The following TNS2 variants were observed in gnomAD, a reference collection of about 807,000 sequenced individuals.
TNS2 encodes tensin 2, also known as tensin-2.
A neutral mutation model predicts 155.7 loss-of-function variants in TNS2; 77 were observed. The ratio of observed to expected loss-of-function variants is 0.49; its 90% CI spans 0.41 to 0.60. TNS2 has a LOEUF of 0.60. Ranked by LOEUF, TNS2 falls within the 20% of genes least tolerant of loss-of-function variation. The pLI, the probability that TNS2 is intolerant of heterozygous loss-of-function variation, is 0.00. For synonymous variants in TNS2, 726 were observed against 763.9 expected, an observed-to-expected ratio of 0.95 and a Z score of 0.82; for missense variants, 1,703 against 1,868.8, an observed-to-expected ratio of 0.91 and a Z score of 1.64.
At chr12:53,049,981 C>T (rs1355279334), upstream of TNS2, 7 of 1,341,638 alleles carry the variant, frequency 5.2e-6, no homozygotes, top group Admixed American at 1.2e-4. Flanking sequence ...ATCCTCCCCC[C>T]TCCACTTCCT....
Position 53,053,429 on chromosome 12 carries a change from G to A in TNS2, c.241G>A (p.Ala81Thr). 6.2e-7 allele frequency: 1 copy of A among 1,614,064 alleles called. No homozygotes were observed. Among genetic ancestry groups the A allele is most frequent in the Non-Finnish European group, 8.5e-7 (1 of 1,179,970 alleles). ...CEAKVTSACQALPPVELRRNT... is the reference protein window; with the variant it reads ...CEAKVTSACQTLPPVELRRNT... Reference sequence around the variant, plus strand: ...CTTCCAGGTGACTTCAGCCTGTCAGGCCTTGCCTCCCGTGGAGTTGGTGAG... The same window carrying A: ...CTTCCAGGTGACTTCAGCCTGTCAGACCTTGCCTCCCGTGGAGTTGGTGAG... Residue 81 changes from alanine (A) to threonine (T), a missense_variant, in exon 4 of 29, where the codon GCC (alanine) becomes ACC (threonine). Physicochemically the swap from Ala to Thr is moderately conservative, Grantham distance 58. Coordinates refer to ENST00000314250, the MANE Select transcript of TNS2 (RefSeq NM_170754.4).
chr12:53,055,145 C>T (rs200434390), intron 7 of TNS2, 41 bp from the exon 8 acceptor site: 73 of 1,606,812 alleles, frequency 4.5e-5, no homozygotes, highest in African/African-American at 8.0e-5. Flanking sequence ...GCCTCATTGC[C>T]GGAGATCATT....
chr12:53,049,863 C>A, upstream of TNS2: 1 of 418,940 alleles, frequency 2.4e-6, no homozygotes, highest in East Asian at 5.8e-5. Flanking sequence ...TGTGGTGTCC[C>A]AGGTGTGGGA....
In TNS2 at chr12:53,063,014, G is replaced by A; in HGVS notation, c.3824-75G>A. 3 of 1,482,470 alleles carry A rather than the reference G, an allele frequency of 2.0e-6. No individual in the cohort carries two copies. The highest frequency in any genetic ancestry group is 2.7e-6 in the Non-Finnish European group (3 of 1,113,940). The allele number at this position is 1,482,470 out of a possible 1,614,324, so 91.8% of individuals were successfully genotyped here. A position where few individuals can be genotyped will look rare whatever the true frequency, so the allele number is the denominator to read the frequency against. On this transcript the variant is annotated intron_variant, in intron 25 of 28. Transcript: ENST00000314250. This position sits in a 1 kb window ranked among gnomAD's most constrained non-coding sequence, Gnocchi z 5.6. The stretch of plus-strand genomic sequence containing the variant: ...TGTAAAGCATGTGACAGCAGTAGCT[G>A]GGGAATGTGCAAGAGCTGGTGGGGG...
rs769823126 is a variant in TNS2, at chr12:53,061,187, C to T, written c.3281C>T (p.Ala1094Val). Residue 1094 changes from alanine (A) to valine (V), a missense_variant, in exon 20 of 29, where the codon GCA (alanine) becomes GTA (valine). By Grantham distance (64) the Ala-to-Val change is moderately conservative. Transcript: ENST00000314250. ...QQPGPWGPEQ[A>V]SSPARGISHH... ...CCAGGACCCTGGGGCCCAGAGCAGG[C>T]ATCATCGCCAGCCAGAGGCATCAGT... 1.3e-6 allele frequency: 2 copies of T among 1,589,314 alleles called. No homozygotes were observed. Among genetic ancestry groups the T allele is most frequent in the Admixed American group, 3.5e-5 (2 of 56,408 alleles).
Position 53,058,332 on chromosome 12 carries a change from A to G in TNS2, c.1112A>G (p.Lys371Arg), listed in dbSNP as rs1221759147. 6.2e-7 allele frequency: 1 copy of G among 1,614,156 alleles called. No homozygotes were observed. The highest frequency in any genetic ancestry group is 8.5e-7 in the Non-Finnish European group (1 of 1,180,040). ...TTCTCCCAGGTAACATGTTATCACA[A>G]GGGTGGCCGGGGCACAGACCGGACC... ...KGDVMVTCYH[K>R]GGRGTDRTLV... Residue 371 changes from lysine (K) to arginine (R), a missense_variant, in exon 15 of 29, where the codon AAG becomes AGG. By Grantham distance (26) the Lys-to-Arg change is conservative. Coordinates refer to ENST00000314250, the MANE Select transcript of TNS2 (RefSeq NM_170754.4).
At position 53,055,251 on chromosome 12, in the gene TNS2, G is replaced by T. The variant is rs752596186; in HGVS notation, c.573+15G>T. The T allele has an allele frequency of 6.2e-7, 1 of 1,613,624 alleles. No individual in the cohort carries two copies. Among genetic ancestry groups the T allele is most frequent in the Non-Finnish European group, 8.5e-7 (1 of 1,179,762 alleles). On this transcript the variant is annotated intron_variant, in intron 8 of 28. Coordinates refer to ENST00000314250, the MANE Select transcript of TNS2 (RefSeq NM_170754.4). ...TAAACCCCAAGGTATGAAGGAAATGGCCTGCCCAACCATTAAACCAAGCCA... is the reference window on the plus strand; with the variant it reads ...TAAACCCCAAGGTATGAAGGAAATGTCCTGCCCAACCATTAAACCAAGCCA...
At chr12:53,055,436 C>A in intron 8 of TNS2, 132 bp from the exon 9 acceptor site, 2 of 1,264,152 alleles carry the variant, frequency 1.6e-6, no homozygotes, top group South Asian at 1.4e-5. Flanking sequence ...AGGAAAGTGC[C>A]GAGGCTATCA....
rs562330933 is a variant in TNS2, at chr12:53,050,111, C to A, written c.-75C>A. 21 of 1,567,110 alleles carry A rather than the reference C, an allele frequency of 1.3e-5. No homozygotes were observed. The Admixed American group carries it at 3.8e-4, about 28-fold the overall frequency. ...GGGGAAGCGGCTGCCTCCGCCAGGCCGCTTCCAGGAAGCCCCGGGCCAGGC... is the reference window on the plus strand; with the variant it reads ...GGGGAAGCGGCTGCCTCCGCCAGGCAGCTTCCAGGAAGCCCCGGGCCAGGC... On this transcript the variant is annotated 5_prime_UTR_variant, in exon 1 of 29. Coordinates refer to ENST00000314250, the MANE Select transcript of TNS2 (RefSeq NM_170754.4). The surrounding 1 kb of genome is among the most constrained non-coding windows in gnomAD (Gnocchi z 4.7).
At position 53,064,241 on chromosome 12, in the gene TNS2, C is replaced by T. The variant is rs1236587251; in HGVS notation, c.*359C>T. The stretch of plus-strand genomic sequence containing the variant: ...TTCCACCCAGCTGCAGGTGCCAGCA[C>T]GGCAGGGATGGGAGAGGGGTGGGGA... On this transcript the variant is annotated 3_prime_UTR_variant, in exon 29 of 29. Transcript: ENST00000314250. 2.0e-5 allele frequency: 5 copies of T among 247,798 alleles called. No homozygotes were observed. The highest frequency in any genetic ancestry group is 9.2e-5 in the East Asian group (1 of 10,908). The allele number at this position is 247,798 out of a possible 1,614,324, so 15.3% of individuals were successfully genotyped here.
At chr12:53,052,700 T>G (rs1426866363) in intron 3 of TNS2, among the ~76,000 whole-genome samples, 6 of 148,736 alleles carry the variant, frequency 4.0e-5, no homozygotes, top group African/African-American at 1.5e-4. Flanking sequence ...CCCAGGCGGG[T>G]GGACAGCAAG....
At position 53,060,466 on chromosome 12, in the gene TNS2, T is replaced by C. The variant is rs139814846; in HGVS notation, c.2679T>C (p.Ser893=). 306 of 1,613,556 alleles carry C rather than the reference T, an allele frequency of 1.9e-4. No homozygotes were observed. The highest frequency in any genetic ancestry group is 2.2e-4 in the Non-Finnish European group (256 of 1,179,986). Residue 893 remains serine, a synonymous_variant, in exon 19 of 29, where the codon TCT becomes TCC. Coordinates refer to ENST00000314250, the MANE Select transcript of TNS2 (RefSeq NM_170754.4). This position sits in a 1 kb window ranked among gnomAD's most constrained non-coding sequence, Gnocchi z 6.1. ...GTGGGCACAGCACACTGCCTCGGTC[T>C]CCCCGAGATGCCCCATGCAGTGCTT... ...GPSGHSTLPR[S]PRDAPCSASS...
rs371541781 is a variant in TNS2, at chr12:53,057,547, C to T, written c.846-20C>T. On this transcript the variant is annotated intron_variant, in intron 11 of 28. Transcript: ENST00000314250. ...TCCAGAGGAAAAGGCTTATGTTCTC[C>T]TTGACACGCCCTCCACCAGATATAT... 3.1e-6 allele frequency: 5 copies of T among 1,588,214 alleles called. No homozygotes were observed. Among genetic ancestry groups the T allele is most frequent in the Non-Finnish European group, 4.3e-6 (5 of 1,160,924 alleles).
intron 6 of TNS2, 69 bp from the exon 7 acceptor site, chr12:53,054,201 C>T (rs1944043658): frequency 1.2e-6 from 2 of 1,604,184 alleles, no homozygotes; most frequent in Non-Finnish European, 8.5e-7. Flanking sequence ...CAACAGACAG[C>T]CTTCCCGTCA....
intron 10 of TNS2, among the ~76,000 whole-genome samples, chr12:53,056,624 C>T (rs925792733): frequency 3.9e-5 from 6 of 152,170 alleles, no homozygotes; most frequent in African/African-American, 1.2e-4. Flanking sequence ...CTCTTCCTCT[C>T]TTCTTATAAG....
At chr12:53,057,897 C>G in intron 13 of TNS2, 64 bp downstream of exon 13, 1 of 1,611,940 alleles carries the variant, frequency 6.2e-7, no homozygotes, top group Non-Finnish European at 8.5e-7. Flanking sequence ...TCCTGCATTC[C>G]TGCTTCTCCA....
upstream of TNS2, among the ~76,000 whole-genome samples, chr12:53,047,440 GGCGGGCGCCA>G (rs1943763589): frequency 6.9e-6 from 1 of 145,508 alleles, no homozygotes; most frequent in African/African-American, 2.5e-5. Context: ...CAGTGCCAGG[GGCGGGCGCCA>G]GGGGGCGCGG....
Position 53,059,414 on chromosome 12 carries a change from C to T in TNS2, c.1773C>T (p.His591=), listed in dbSNP as rs1289443259. The part of the protein sequence containing the change: ...YPGHRPGLSR[H]CSCRQGYREP... ...GCCATAGGCCTGGCCTCAGCCGCCA[C>T]TGCTCCTGCCGCCAGGGCTACCGGG... The change falls in exon 18 of 29, where the codon CAC becomes CAT. Residue 591 remains histidine (H), a synonymous_variant. Transcript: ENST00000314250. The surrounding 1 kb of genome is among the most constrained non-coding windows in gnomAD (Gnocchi z 4.7). 5 of 1,478,150 alleles carry T rather than the reference C, an allele frequency of 3.4e-6. No homozygotes were observed. The African/African-American group carries it at 4.3e-5, about 13-fold the overall frequency. The allele number at this position is 1,478,150 out of a possible 1,614,324, so 91.6% of individuals were successfully genotyped here. A position where few individuals can be genotyped will look rare whatever the true frequency, so the allele number is the denominator to read the frequency against.
Position 53,063,843 on chromosome 12 carries a change from C to T in TNS2, c.4191C>T (p.Val1397=). The T allele has an allele frequency of 1.2e-6, 2 of 1,614,144 alleles. No homozygotes were observed. Among genetic ancestry groups the T allele is most frequent in the Non-Finnish European group, 1.7e-6 (2 of 1,180,032 alleles). The part of the protein sequence containing the change: ...LDPDQPAGAI[V]TFITKVLLGQ... ...CAGATCAGCCTGCTGGCGCCATTGT[C>T]ACCTTCATCACCAAAGTTCTACTGG... is the stretch of plus-strand genomic sequence containing the variant. Residue 1397 remains valine, a synonymous_variant, in exon 29 of 29, where the codon GTC becomes GTT. Transcript: ENST00000314250. This position sits in a 1 kb window ranked among gnomAD's most constrained non-coding sequence, Gnocchi z 5.6.
Sources: gnomAD v4.1 joint callset for allele counts (sites outside exome capture counted in the v4.1 genomes callset) on GRCh38, gnomAD v4.1.1 for gene constraint, Gnocchi (gnomAD v3.1) non-coding constraint, MANE v1.5 for transcripts, NCBI Gene and HGNC (gene_info 2026-07-23, HGNC 2026-07-21) for gene names.